SHISA9: variants seen among roughly 807,000 people sequenced by gnomAD.
SHISA9 encodes protein shisa-9.
A neutral mutation model predicts 38.0 loss-of-function variants in SHISA9; 13 were observed. That is an observed-to-expected ratio of 0.34 (90% CI 0.22 to 0.54). The LOEUF is 0.54. Ranked by LOEUF, SHISA9 falls within the 20% of genes least tolerant of loss-of-function variation. The pLI, the probability that SHISA9 is intolerant of heterozygous loss-of-function variation, is 0.91. For synonymous variants in SHISA9, 275 were observed against 242.0 expected (o/e 1.14, Z -1.27); for missense variants, 538 against 575.8 (o/e 0.93, Z 0.67).
intron 2 of SHISA9, among the ~76,000 whole-genome samples, chr16:13,156,706 C>T (rs1464163295): frequency 6.9e-6 from 1 of 145,206 alleles, no homozygotes; most frequent in African/African-American, 2.6e-5. Flanking sequence ...TACACTCCAG[C>T]CTGGGCAACA....
the SHISA9 span, among the ~76,000 whole-genome samples, chr16:13,446,354 T>C: frequency 6.6e-6 from 1 of 152,208 alleles, no homozygotes; most frequent in Middle Eastern, 3.2e-3. Context: ...GTCCCTAATA[T>C]GCATTTGACA....
chr16:13,186,834 G>C (rs1443416984), intron 2 of SHISA9, among the ~76,000 whole-genome samples: 2 of 152,118 alleles, frequency 1.3e-5, no homozygotes, highest in Non-Finnish European at 2.9e-5. Context: ...GTCTTTTTGT[G>C]ACTGGCTAAT....
At chr16:12,903,035 G>C (rs1406847296) in intron 1 of SHISA9, 1 of 182,432 alleles carries the variant, frequency 5.5e-6, no homozygotes, top group Non-Finnish European at 1.1e-5. Flanking sequence ...GGGCAGGCGA[G>C]CCCGAAAGGG....
the SHISA9 span, among the ~76,000 whole-genome samples, chr16:13,360,821 C>T: frequency 6.6e-6 from 1 of 152,162 alleles, no homozygotes; most frequent in East Asian, 1.9e-4. Flanking sequence ...CTTCAGCCTC[C>T]CGGCCTTCTC....
intron 2 of SHISA9, among the ~76,000 whole-genome samples, chr16:13,158,148 G>A (rs1311339121): frequency 1.3e-5 from 2 of 152,170 alleles, no homozygotes; most frequent in Non-Finnish European, 2.9e-5. Flanking sequence ...TCTGTAAAAT[G>A]GGGCGACAGT....
At chr16:13,379,558 T>A in the SHISA9 span, among the ~76,000 whole-genome samples, 2 of 152,188 alleles carry the variant, frequency 1.3e-5, no homozygotes, top group Admixed American at 1.3e-4. Flanking sequence ...CAAATGACAT[T>A]AGCTGCCAAC....
At chr16:13,550,592 G>A in the SHISA9 span, among the ~76,000 whole-genome samples, 1 of 152,210 alleles carries the variant, frequency 6.6e-6, no homozygotes, top group Non-Finnish European at 1.5e-5. Flanking sequence ...GTGGGTGAAA[G>A]TCTGGACCCT....
intron 2 of SHISA9, among the ~76,000 whole-genome samples, chr16:13,082,704 G>A (rs1420744441): frequency 6.6e-6 from 1 of 152,112 alleles, no homozygotes; most frequent in Non-Finnish European, 1.5e-5. Flanking sequence ...GATTATGATT[G>A]AAAGGAATGG....
At chr16:13,426,647 G>A in the SHISA9 span, among the ~76,000 whole-genome samples, 1 of 152,154 alleles carries the variant, frequency 6.6e-6, no homozygotes, top group Non-Finnish European at 1.5e-5. Context: ...ATTTCAGACA[G>A]AACAATACAT....
chr16:13,555,610 C>T, the SHISA9 span, among the ~76,000 whole-genome samples: 2 of 152,132 alleles, frequency 1.3e-5, no homozygotes, highest in African/African-American at 2.4e-5. Flanking sequence ...ACATGGACTG[C>T]CTGGGGAGGT....
At chr16:13,491,530 C>T in the SHISA9 span, among the ~76,000 whole-genome samples, 1 of 151,982 alleles carries the variant, frequency 6.6e-6, no homozygotes, top group Non-Finnish European at 1.5e-5. Context: ...ACTCTGTCAC[C>T]AAGGCTGGAG....
the SHISA9 span, among the ~76,000 whole-genome samples, chr16:13,266,632 G>T: frequency 6.6e-6 from 1 of 152,048 alleles, no homozygotes; most frequent in East Asian, 1.9e-4. Context: ...AAACGAAGAA[G>T]AAAAAAACAC....
chr16:13,119,311 T>C (rs2074062799), intron 2 of SHISA9, among the ~76,000 whole-genome samples: 2 of 152,210 alleles, frequency 1.3e-5, no homozygotes, highest in African/African-American at 2.4e-5. Context: ...TTTTAGAACC[T>C]GGGTTTTCTG....
chr16:13,233,877 G>A (rs772105562), intron 4 of SHISA9, among the ~76,000 whole-genome samples: 1 of 152,108 alleles, frequency 6.6e-6, no homozygotes, highest in African/African-American at 2.4e-5. Flanking sequence ...TTAGCCTAGT[G>A]TGGTGATGCT....
chr16:13,280,287 G>C, the SHISA9 span, among the ~76,000 whole-genome samples: 1 of 151,296 alleles, frequency 6.6e-6, no homozygotes, highest in South Asian at 2.1e-4. Context: ...TAACCTCTGA[G>C]CTTGAGAGCC....
At chr16:12,959,873 A>G (rs1259071196) in intron 2 of SHISA9, among the ~76,000 whole-genome samples, 2 of 152,222 alleles carry the variant, frequency 1.3e-5, no homozygotes, top group African/African-American at 2.4e-5. Context: ...GGGGAGGAAC[A>G]TAATACTGTT....
chr16:12,929,294 C>T (rs1457038023), intron 2 of SHISA9, among the ~76,000 whole-genome samples: 3 of 152,104 alleles, frequency 2.0e-5, no homozygotes, highest in African/African-American at 7.2e-5. Context: ...ACTGGGTATA[C>T]ACCCAAAGGA....
chr16:13,022,329 A>T (rs1385705479), intron 2 of SHISA9, among the ~76,000 whole-genome samples: 1 of 141,802 alleles, frequency 7.1e-6, no homozygotes, highest in Non-Finnish European at 1.5e-5. Flanking sequence ...TTTTTACATT[A>T]AAAAAATTTT....
chr16:13,322,950 A>G, the SHISA9 span, among the ~76,000 whole-genome samples: 1 of 152,156 alleles, frequency 6.6e-6, no homozygotes, highest in East Asian at 1.9e-4. Context: ...CAGTACCTGC[A>G]CCACAACTGT....
Sources: gnomAD v4.1 joint callset for allele counts (sites outside exome capture counted in the v4.1 genomes callset) on GRCh38, gnomAD v4.1.1 for gene constraint, MANE v1.5 for transcripts, NCBI Gene and HGNC (gene_info 2026-07-23, HGNC 2026-07-21) for gene names.